SCAPER: variants seen among roughly 807,000 people sequenced by gnomAD.
The protein encoded by SCAPER is S phase cyclin A-associated protein in the endoplasmic reticulum.
A neutral mutation model predicts 182.2 loss-of-function variants in SCAPER; 98 were observed. That is an observed-to-expected ratio of 0.54 (90% confidence interval 0.46 to 0.64). SCAPER has a LOEUF of 0.64. SCAPER is among the 30% of genes least tolerant of loss of function. The pLI is 0.00. For synonymous variants in SCAPER, 605 were observed against 564.6 expected (o/e 1.07, Z -1.01); for missense variants, 1,432 against 1,690.0 (o/e 0.85, Z 2.68).
intron 23 of SCAPER, among the ~76,000 whole-genome samples, chr15:76,539,781 G>C (rs901359730): frequency 1.3e-5 from 2 of 152,018 alleles, no homozygotes; most frequent in Non-Finnish European, 2.9e-5. Context: ...TCCTGACCTC[G>C]TGATCTGCCC....
intron 1 of SCAPER, among the ~76,000 whole-genome samples, chr15:76,891,753 A>G (rs977364581): frequency 1.3e-5 from 2 of 152,236 alleles, no homozygotes; most frequent in Non-Finnish European, 2.9e-5. Flanking sequence ...GGTAATTTAT[A>G]GACTCAATGC....
At position 76,568,190 on chromosome 15, in the gene SCAPER, CATAT is replaced by C. The variant is rs60959582; in HGVS notation, c.2838+5964_2838+5967del. Reference sequence around the variant, plus strand: ...AGTACCTCACATGTCATGGATCAAGCATATATATATATATATATATATATATATA... The same window carrying C: ...AGTACCTCACATGTCATGGATCAAGCATATATATATATATATATATATATA... On this transcript the variant is annotated intron_variant, in intron 23 of 31. Coordinates refer to ENST00000563290, the MANE Select transcript of SCAPER (RefSeq NM_020843.4). 5.9e-3 allele frequency among the ~76,000 whole-genome samples: 812 copies of C among 138,684 alleles called. 5 individuals are homozygous for C. The highest frequency in any genetic ancestry group is 0.012 in the African/African-American group (391 of 33,358). 91.0% of individuals were successfully genotyped at this position (138,684 alleles called of 152,430 possible). A position where few individuals can be genotyped will look rare whatever the true frequency, so the allele number is the denominator to read the frequency against.
chr15:76,571,823 T>C (rs1597444568), intron 23 of SCAPER, among the ~76,000 whole-genome samples: 1 of 152,300 alleles, frequency 6.6e-6, no homozygotes, highest in East Asian at 1.9e-4. Context: ...GGAATGGCTA[T>C]TTACAATTCC....
At chr15:76,736,055 G>A (rs2061246562) in intron 15 of SCAPER, among the ~76,000 whole-genome samples, 1 of 152,106 alleles carries the variant, frequency 6.6e-6, no homozygotes, top group South Asian at 2.1e-4. Flanking sequence ...TACAAGTTTG[G>A]TTCCAGCCCA....
intron 4 of SCAPER, among the ~76,000 whole-genome samples, chr15:76,848,026 GAGA>G (rs1169724793): frequency 1.3e-5 from 2 of 151,506 alleles, no homozygotes; most frequent in Non-Finnish European, 2.9e-5. Flanking sequence ...TCTTTTTTTT[GAGA>G]AGGAGTCTCA....
At chr15:76,713,947 G>A (rs1295807391) in intron 17 of SCAPER, among the ~76,000 whole-genome samples, 1 of 152,080 alleles carries the variant, frequency 6.6e-6, no homozygotes, top group African/African-American at 2.4e-5. Context: ...ATCCATATCA[G>A]CTTTATCTGT....
chr15:76,539,785 T>C (rs998325629), intron 23 of SCAPER, among the ~76,000 whole-genome samples: 5 of 152,188 alleles, frequency 3.3e-5, no homozygotes, highest in Non-Finnish European at 7.4e-5. Flanking sequence ...GACCTCGTGA[T>C]CTGCCCGCCT....
intron 24 of SCAPER, among the ~76,000 whole-genome samples, chr15:76,473,891 C>T (rs2050405056): frequency 6.6e-6 from 1 of 152,104 alleles, no homozygotes; most frequent in African/African-American, 2.4e-5. Context: ...CAACCTCTGA[C>T]TCCTGGGTTC....
intron 23 of SCAPER, chr15:76,567,380 T>C: frequency 2.2e-6 from 1 of 454,768 alleles, no homozygotes; most frequent in Non-Finnish European, 4.4e-6. Flanking sequence ...GGTGGATATA[T>C]GCATTGCTTT....
At chr15:76,755,991 C>T (rs2062399735) in intron 14 of SCAPER, among the ~76,000 whole-genome samples, 1 of 152,144 alleles carries the variant, frequency 6.6e-6, no homozygotes, top group African/African-American at 2.4e-5. Context: ...CAGTGGCTCA[C>T]GCCTGTAATC....
At chr15:76,802,813 G>A (rs887287687) in intron 6 of SCAPER, among the ~76,000 whole-genome samples, 3 of 152,164 alleles carry the variant, frequency 2.0e-5, no homozygotes, top group Non-Finnish European at 4.4e-5. Flanking sequence ...AGGAGGCGGG[G>A]GGAAGCAGCC....
At chr15:76,503,279 C>T (rs916237844) in intron 24 of SCAPER, among the ~76,000 whole-genome samples, 1 of 152,160 alleles carries the variant, frequency 6.6e-6, no homozygotes, top group African/African-American at 2.4e-5. Flanking sequence ...TGCCCAGCAA[C>T]ACCCTGTAAA....
At position 76,670,216 on chromosome 15, in the gene SCAPER, T is replaced by C. The variant is rs143507042; in HGVS notation, c.2509-4427A>G. Among the ~76,000 whole-genome samples the C allele has an allele frequency of 7.9e-3, 1,206 of 151,994 alleles. 11 individuals are homozygous for C. The highest frequency in any genetic ancestry group is 0.028 in the African/African-American group (1,144 of 41,536). On this transcript the variant is annotated intron_variant, in intron 20 of 31. Transcript: ENST00000563290. Reference sequence around the variant, plus strand: ...TAAAAATTAAAATATTTCTAATACCTAGAAAAAAACTGTTTTGAAGTATAT... The same window carrying C: ...TAAAAATTAAAATATTTCTAATACCCAGAAAAAAACTGTTTTGAAGTATAT...
At chr15:76,865,778 A>G (rs2072245784) in intron 2 of SCAPER, among the ~76,000 whole-genome samples, 1 of 152,150 alleles carries the variant, frequency 6.6e-6, no homozygotes, top group Admixed American at 6.5e-5. Context: ...AGTCTAACCC[A>G]AATTTTCCTC....
chr15:76,902,902 C>CA lies in SCAPER; in HGVS notation c.-60+2396dup, dbSNP rs1205230818. Among the ~76,000 whole-genome samples the CA allele has an allele frequency of 7.3e-5, 11 of 150,624 alleles. No individual in the cohort carries two copies. The South Asian group carries it at 8.4e-4, about 11-fold the overall frequency. On this transcript the variant is annotated intron_variant, in intron 1 of 31. Transcript: ENST00000563290. ...TGAAACCCGGTCTCTACTAAAAATACAAAAAAAAATTAGCCAGGCATGGTG... is the reference window on the plus strand; with the variant it reads ...TGAAACCCGGTCTCTACTAAAAATACAAAAAAAAAATTAGCCAGGCATGGTG...
intron 2 of SCAPER, among the ~76,000 whole-genome samples, chr15:76,878,442 A>G (rs1287866687): frequency 6.6e-6 from 1 of 152,160 alleles, no homozygotes; most frequent in Non-Finnish European, 1.5e-5. Flanking sequence ...AGAAATAATT[A>G]GGACACAAAA....
At chr15:76,390,042 G>A (rs2043578343) in intron 27 of SCAPER, among the ~76,000 whole-genome samples, 1 of 151,800 alleles carries the variant, frequency 6.6e-6, no homozygotes, top group Admixed American at 6.6e-5. Context: ...CTGTAACCTT[G>A]AACTCGTAGG....
At chr15:76,873,980 G>A (rs2072969946) in intron 2 of SCAPER, among the ~76,000 whole-genome samples, 1 of 151,324 alleles carries the variant, frequency 6.6e-6, no homozygotes, top group Non-Finnish European at 1.5e-5. Flanking sequence ...TGCAGCCTCT[G>A]CTTCCGGGTT....
intron 20 of SCAPER, among the ~76,000 whole-genome samples, chr15:76,677,141 A>T (rs1402035582): frequency 2.6e-5 from 4 of 152,146 alleles, no homozygotes; most frequent in Non-Finnish European, 4.4e-5. Context: ...GTGAATCACA[A>T]TAAAAATCTT....
Sources: allele counts gnomAD v4.1 joint callset (sites outside exome capture counted in the v4.1 genomes callset), GRCh38; gene constraint gnomAD v4.1.1; transcripts MANE v1.5; gene names NCBI Gene and HGNC (gene_info 2026-07-23, HGNC 2026-07-21).